FOXP2: variants seen among roughly 807,000 people sequenced by gnomAD.
The protein encoded by FOXP2 is forkhead box P2, also known as forkhead box protein P2.
A neutral mutation model predicts 115.8 loss-of-function variants in FOXP2; 12 were observed. The observed-to-expected ratio is 0.10, with a 90% CI of 0.07 to 0.17. FOXP2 has a LOEUF of 0.17. Among genes scored for constraint, FOXP2 ranks in the 10% least tolerant of loss-of-function variants. FOXP2 has a pLI of 1.00. For missense variants in FOXP2, 629 were observed against 843.5 expected, an observed-to-expected ratio of 0.75 and a Z score of 3.15; for synonymous variants, 328 against 297.7, an observed-to-expected ratio of 1.10 and a Z score of -1.05.
intron 2 of FOXP2, among the ~76,000 whole-genome samples, chr7:114,364,084 C>T (rs1040782649): frequency 6.6e-6 from 1 of 152,056 alleles, no homozygotes; most frequent in African/African-American, 2.4e-5. Flanking sequence ...TTTTGGAGCT[C>T]ATTTTCCCCT....
chr7:114,323,021 C>T (rs1209054895), intron 2 of FOXP2, among the ~76,000 whole-genome samples: 1 of 152,070 alleles, frequency 6.6e-6, no homozygotes, highest in East Asian at 1.9e-4. Flanking sequence ...CATTAATATT[C>T]TTAGTTCCAT....
At chr7:114,444,173 C>T (rs1418082808) in intron 2 of FOXP2, among the ~76,000 whole-genome samples, 5 of 152,028 alleles carry the variant, frequency 3.3e-5, no homozygotes, top group African/African-American at 1.2e-4. Flanking sequence ...TTAGTGATCA[C>T]TGTATGTATA....
intron 3 of FOXP2, among the ~76,000 whole-genome samples, chr7:114,552,741 C>G (rs76255365): frequency 0.011 from 1,668 of 152,118 alleles, 27 homozygotes; most frequent in African/African-American, 0.038. Context: ...GCCAGCTTAT[C>G]TGTTTAGAGT....
At chr7:114,609,276 G>C (rs1278748386) in intron 3 of FOXP2, among the ~76,000 whole-genome samples, 1 of 151,738 alleles carries the variant, frequency 6.6e-6, no homozygotes, top group South Asian at 2.1e-4. Context: ...TTTCACAGTA[G>C]TATGACACTA....
chr7:114,473,474 G>A (rs1470344713), intron 2 of FOXP2, among the ~76,000 whole-genome samples: 9 of 152,178 alleles, frequency 5.9e-5, no homozygotes, highest in Non-Finnish European at 1.2e-4. Context: ...TACAAAACGA[G>A]TGTAAGTATG....
Position 114,426,552 on chromosome 7 carries a change from C to T in FOXP2, c.41C>T (p.Ser14Leu). ...ESATETISNS[S>L]MNQNGMSTLS... ...GCGACAGAGACAATAAGCAACAGTT[C>T]AATGAATCAAAATGGAATGAGCACT... Residue 14 changes from serine (S) to leucine (L), a missense_variant, in exon 2 of 17, where the codon TCA becomes TTA. This residue lies in a region of FOXP2 where 91 missense variants were observed against 98.3 expected (regional missense o/e 0.93). Transcript: ENST00000350908. 6.2e-7 allele frequency: 1 copy of T among 1,611,320 alleles called. No homozygotes were observed. Among genetic ancestry groups the T allele is most frequent in the Non-Finnish European group, 8.5e-7 (1 of 1,178,228 alleles).
upstream of FOXP2, chr7:114,087,630 GCGGCGGCGC>G (rs1343515022): frequency 1.4e-5 from 2 of 147,262 alleles, no homozygotes; most frequent in East Asian, 2.0e-4. Context: ...TGCGGCGGCG[GCGGCGGCGC>G]CGGCGGCGCG....
chr7:114,159,629 A>G (rs374460801), upstream of FOXP2, among the ~76,000 whole-genome samples: 2 of 152,264 alleles, frequency 1.3e-5, no homozygotes, highest in African/African-American at 4.8e-5. Flanking sequence ...AGGGATAGCT[A>G]TTAATAATTG....
At chr7:114,089,039 T>TTTAA (rs1799488659) in intron 1 of FOXP2, among the ~76,000 whole-genome samples, 1 of 152,136 alleles carries the variant, frequency 6.6e-6, no homozygotes, top group Non-Finnish European at 1.5e-5. Context: ...CTTTAGAGCT[T>TTTAA]TTTAAAGGCC....
chr7:114,141,644 A>C (rs1792210830), intron 1 of FOXP2, among the ~76,000 whole-genome samples: 1 of 152,178 alleles, frequency 6.6e-6, no homozygotes, highest in South Asian at 2.1e-4. Context: ...TCACTGCTGC[A>C]AGGTAACCCA....
At chr7:114,349,773 A>T (rs1296298404) in intron 2 of FOXP2, among the ~76,000 whole-genome samples, 1 of 152,096 alleles carries the variant, frequency 6.6e-6, no homozygotes, top group African/African-American at 2.4e-5. Context: ...ATTTATGGAG[A>T]TGCATACTGG....
intron 1 of FOXP2, among the ~76,000 whole-genome samples, chr7:114,189,327 G>A (rs1793695323): frequency 1.3e-5 from 2 of 152,102 alleles, no homozygotes; most frequent in Admixed American, 1.3e-4. Flanking sequence ...GTTAGAGTAA[G>A]TCAACAGCCT....
At chr7:114,236,058 T>C (rs1459232433) in intron 1 of FOXP2, among the ~76,000 whole-genome samples, 3 of 152,222 alleles carry the variant, frequency 2.0e-5, no homozygotes, top group Non-Finnish European at 1.5e-5. Context: ...CTTTGAGTTA[T>C]TTATGGTTCC....
intron 1 of FOXP2, among the ~76,000 whole-genome samples, chr7:114,249,943 C>A (rs1280665801): frequency 8.4e-6 from 1 of 118,458 alleles, no homozygotes; most frequent in African/African-American, 3.2e-5. Context: ...TGCTATCCCT[C>A]CCCCCTCCCC....
intron 1 of FOXP2, among the ~76,000 whole-genome samples, chr7:114,417,276 G>A (rs1339519458): frequency 6.6e-6 from 1 of 151,892 alleles, no homozygotes; most frequent in Non-Finnish European, 1.5e-5. Context: ...AATGCTACAT[G>A]TTTTAAATTT....
At chr7:114,255,215 C>A (rs1795575922) in intron 1 of FOXP2, among the ~76,000 whole-genome samples, 1 of 152,074 alleles carries the variant, frequency 6.6e-6, no homozygotes, top group South Asian at 2.1e-4. Flanking sequence ...GGCGATGCCT[C>A]CCAGTTAGGC....
In FOXP2 at chr7:114,642,432, T is replaced by A. The variant is rs755772988; in HGVS notation, c.798T>A (p.Ile266=). The A allele has an allele frequency of 6.2e-7, 1 of 1,613,830 alleles. No homozygotes were observed. Residue 266 remains isoleucine (I), a synonymous_variant, in exon 7 of 17, where the codon ATT becomes ATA. Coordinates refer to ENST00000350908, the MANE Select transcript of FOXP2 (RefSeq NM_014491.4). The part of the protein sequence containing the change: ...LPQAGLSPAE[I]QQLWKEVTGV... ...TAGCTGGCTTAAGTCCTGCTGAGAT[T>A]CAGCAGTTATGGAAAGAAGTGACTG...
At chr7:114,152,369 T>A (rs1248181123) in intron 1 of FOXP2, among the ~76,000 whole-genome samples, 1 of 152,188 alleles carries the variant, frequency 6.6e-6, no homozygotes, top group East Asian at 1.9e-4. Context: ...ATTGATCAGT[T>A]TTGAATTCAG....
intron 1 of FOXP2, among the ~76,000 whole-genome samples, chr7:114,193,982 A>G (rs190698881): frequency 1.6e-4 from 25 of 152,174 alleles, no homozygotes; most frequent in Admixed American, 2.0e-4. Flanking sequence ...AACATCATAA[A>G]ACCTGCCAGT....
Sources: allele counts gnomAD v4.1 joint callset (sites outside exome capture counted in the v4.1 genomes callset), GRCh38; gene constraint gnomAD v4.1.1; regional missense constraint gnomAD v4.1.1; transcripts MANE v1.5; gene names NCBI Gene and HGNC (gene_info 2026-07-23, HGNC 2026-07-21).